TTLL9: variants seen among roughly 807,000 people sequenced by gnomAD.
The protein encoded by TTLL9 is tubulin tyrosine ligase like 9.
A neutral mutation model predicts 65.6 loss-of-function variants in TTLL9; 47 were observed. The ratio of observed to expected loss-of-function variants is 0.72; its 90% confidence interval spans 0.57 to 0.91. The LOEUF (loss-of-function observed/expected upper bound fraction) is 0.91. Ranked by LOEUF, TTLL9 falls within the 40% of genes least tolerant of loss-of-function variation. The probability of loss-of-function intolerance (pLI) is 0.00; values close to 1 mark genes in which losing one functional copy is unlikely to be tolerated. For missense variants in TTLL9, 537 were observed against 568.8 expected (o/e 0.94, Z 0.57); for synonymous variants, 179 against 204.8 (o/e 0.87, Z 1.07).
chr20:31,891,567 A>G (rs985004439), intron 3 of TTLL9, among the ~76,000 whole-genome samples: 4 of 151,370 alleles, frequency 2.6e-5, no homozygotes, highest in Non-Finnish European at 5.9e-5. Context: ...CTCAAATTCC[A>G]GGGCTCAAGT....
chr20:31,887,133 T>C, intron 2 of TTLL9, 63 bp from the exon 3 acceptor site: 3 of 1,560,668 alleles, frequency 1.9e-6, no homozygotes, highest in South Asian at 2.2e-5. Flanking sequence ...TGCAGTAAGT[T>C]AACCTGGGAA....
intron 11 of TTLL9, 51 bp downstream of exon 11, chr20:31,933,909 TC>T: frequency 6.4e-7 from 1 of 1,558,206 alleles, no homozygotes; most frequent in Non-Finnish European, 8.7e-7. Context: ...TGGCGCCAGG[TC>T]GGGGTGGGGA....
intron 10 of TTLL9, among the ~76,000 whole-genome samples, chr20:31,932,446 T>C (rs1039004487): frequency 3.6e-4 from 44 of 122,680 alleles, no homozygotes; most frequent in Non-Finnish European, 4.4e-4. Context: ...CACTCCAGCC[T>C]GGGTGACAGA....
chr20:31,890,041 T>C (rs1340796636), intron 3 of TTLL9, among the ~76,000 whole-genome samples: 1 of 143,890 alleles, frequency 6.9e-6, no homozygotes. Context: ...TTTCCTTCCT[T>C]CCTTCTTTCT....
At position 31,943,193 on chromosome 20, in the gene TTLL9, CT is replaced by C; in HGVS notation, c.*173del. ...TACCTGAATTGGGCCCCTTGGATAC[CT>C]CCAGCCCATCCCCAGGCATCTTTGC... On this transcript the variant is annotated 3_prime_UTR_variant, in exon 15 of 15. Coordinates refer to ENST00000535842, the MANE Select transcript of TTLL9 (RefSeq NM_001008409.5). The C allele has an allele frequency of 1.6e-6, 1 of 640,408 alleles. No homozygotes were observed. Among genetic ancestry groups the C allele is most frequent in the Non-Finnish European group, 2.8e-6 (1 of 358,916 alleles). The allele number at this position is 640,408 out of a possible 1,614,324, so 39.7% of individuals were successfully genotyped here. A position where few individuals can be genotyped will look rare whatever the true frequency, so the allele number is the denominator to read the frequency against.
intron 2 of TTLL9, among the ~76,000 whole-genome samples, chr20:31,880,567 A>G (rs1213473071): frequency 6.6e-6 from 1 of 150,430 alleles, no homozygotes; most frequent in African/African-American, 2.5e-5. Flanking sequence ...ATCTCAGCTC[A>G]CTGCAGCCTC....
intron 9 of TTLL9, 63 bp from the exon 10 acceptor site, chr20:31,925,986 C>T (rs775941044): frequency 6.2e-7 from 1 of 1,604,762 alleles, no homozygotes; most frequent in South Asian, 1.1e-5. Context: ...GGCTAACCAC[C>T]CCCGACACAC....
chr20:31,908,120 G>T (rs1343563712), intron 4 of TTLL9, among the ~76,000 whole-genome samples: 1 of 152,192 alleles, frequency 6.6e-6, no homozygotes, highest in African/African-American at 2.4e-5. Context: ...CACCTTTGGG[G>T]GCTGCTCTGA....
chr20:31,872,846 A>G (rs2062957446), intron 2 of TTLL9, among the ~76,000 whole-genome samples: 1 of 152,248 alleles, frequency 6.6e-6, no homozygotes, highest in African/African-American at 2.4e-5. Flanking sequence ...GGAGGTGTTA[A>G]GAGGACGGTT....
chr20:31,940,359 A>G (rs2064183673), intron 14 of TTLL9: 2 of 151,886 alleles, frequency 1.3e-5, no homozygotes, highest in South Asian at 4.2e-4. Flanking sequence ...CCATTTTTCT[A>G]TGGGTTGTTT....
Position 31,870,639 on chromosome 20 carries a change from G to A in TTLL9, c.-316G>A. On this transcript the variant is annotated 5_prime_UTR_variant, in exon 1 of 15. Transcript: ENST00000535842. The surrounding 1 kb of genome is among the most constrained non-coding windows in gnomAD (Gnocchi z 6.6). Reference sequence around the variant, plus strand: ...GGGGGGCCGGACAAAGCCCCAGTGTGCCGGGCCCACGGCCCGCGGGACAAC... The same window carrying A: ...GGGGGGCCGGACAAAGCCCCAGTGTACCGGGCCCACGGCCCGCGGGACAAC... The A allele has an allele frequency of 7.6e-7, 1 of 1,308,556 alleles. No individual in the cohort carries two copies. The highest frequency in any genetic ancestry group is 9.8e-7 in the Non-Finnish European group (1 of 1,025,586). 81.1% of individuals were successfully genotyped at this position (1,308,556 alleles called of 1,614,324 possible).
intron 6 of TTLL9, among the ~76,000 whole-genome samples, chr20:31,913,035 C>T (rs6121274): frequency 6.6e-6 from 1 of 152,046 alleles, no homozygotes; most frequent in African/African-American, 2.4e-5. Context: ...TGGCGAGTGC[C>T]TGTAGTGCCA....
chr20:31,896,818 C>CCATGCCTGGCTCA (rs2063395009), intron 3 of TTLL9, among the ~76,000 whole-genome samples: 1 of 152,218 alleles, frequency 6.6e-6, no homozygotes, highest in Non-Finnish European at 1.5e-5. Context: ...GCGTGAGACA[C>CCATGCCTGGCTCA]CATGCCTGGC....
At chr20:31,891,135 C>T (rs1432273269) in intron 3 of TTLL9, among the ~76,000 whole-genome samples, 1 of 152,196 alleles carries the variant, frequency 6.6e-6, no homozygotes, top group African/African-American at 2.4e-5. Flanking sequence ...CTAAAAACCG[C>T]CCGGTGACCC....
At position 31,934,799 on chromosome 20, in the gene TTLL9, C is replaced by T. The variant is rs1427693885; in HGVS notation, c.915C>T (p.Ser305=). The part of the protein sequence containing the change: ...FRDIDNIFVK[S]LQSVQKVIIS... Reference sequence around the variant, plus strand: ...ACATCGACAACATCTTTGTCAAAAGCCTGCAGAGTGTGCAGAAGGTGATCA... The same window carrying T: ...ACATCGACAACATCTTTGTCAAAAGTCTGCAGAGTGTGCAGAAGGTGATCA... The change falls in exon 12 of 15, where the codon AGC becomes AGT. Residue 305 remains serine, a synonymous_variant. Coordinates refer to ENST00000535842, the MANE Select transcript of TTLL9 (RefSeq NM_001008409.5). The T allele has an allele frequency of 5.0e-6, 8 of 1,613,872 alleles. No individual in the cohort carries two copies. The highest frequency in any genetic ancestry group is 6.8e-6 in the Non-Finnish European group (8 of 1,180,040).
At chr20:31,940,589 A>T (rs1331059941) in intron 14 of TTLL9, 1 of 152,232 alleles carries the variant, frequency 6.6e-6, no homozygotes, top group African/African-American at 2.4e-5. Flanking sequence ...AGCTTAAAGC[A>T]ACTATTTTAT....
At chr20:31,908,829 C>G in intron 5 of TTLL9, 127 bp downstream of exon 5, 1 of 783,058 alleles carries the variant, frequency 1.3e-6, no homozygotes, top group Non-Finnish European at 2.2e-6. Context: ...AGTGGGAAGT[C>G]TGCGGGCTAG....
intron 3 of TTLL9, among the ~76,000 whole-genome samples, chr20:31,888,311 C>G (rs906207098): frequency 6.6e-6 from 1 of 152,160 alleles, no homozygotes; most frequent in African/African-American, 2.4e-5. Context: ...ACTGACTATC[C>G]CACCAACTTC....
intron 3 of TTLL9, among the ~76,000 whole-genome samples, chr20:31,895,298 T>C (rs2063366328): frequency 6.6e-6 from 1 of 152,212 alleles, no homozygotes; most frequent in African/African-American, 2.4e-5. Context: ...AGTTGCTAGG[T>C]AGGACTTGGA....
Sources: allele counts gnomAD v4.1 joint callset (sites outside exome capture counted in the v4.1 genomes callset), GRCh38; gene constraint gnomAD v4.1.1; non-coding constraint Gnocchi (gnomAD v3.1); transcripts MANE v1.5; gene names NCBI Gene and HGNC (gene_info 2026-07-23, HGNC 2026-07-21).